The following MLLT3 variants were observed in gnomAD, a reference collection of about 807,000 sequenced individuals.
The protein encoded by MLLT3 is protein AF-9.
Under a neutral mutation model 53.2 loss-of-function variants are expected in MLLT3, and 4 were observed. The ratio of observed to expected loss-of-function variants is 0.08; its 90% CI spans 0.04 to 0.17. MLLT3 has a LOEUF of 0.17. Among genes scored for constraint, MLLT3 ranks in the 10% least tolerant of loss-of-function variants. The pLI, the probability that MLLT3 is intolerant of heterozygous loss-of-function variation, is 1.00. For synonymous variants in MLLT3, 283 were observed against 230.6 expected (o/e 1.23, Z -2.06); for missense variants, 569 against 684.0 (o/e 0.83, Z 1.87).
chr9:20,349,014 C>T (rs1345190058), intron 10 of MLLT3, among the ~76,000 whole-genome samples: 3 of 152,100 alleles, frequency 2.0e-5, no homozygotes, highest in Non-Finnish European at 2.9e-5. Flanking sequence ...AGGATGGAAA[C>T]AAGTAGTCTC....
chr9:20,412,490 G>C (rs1438900893), intron 5 of MLLT3, among the ~76,000 whole-genome samples: 1 of 129,016 alleles, frequency 7.8e-6, no homozygotes, highest in Non-Finnish European at 1.5e-5. Flanking sequence ...TGGACCACTG[G>C]GGATCAGTGT....
At chr9:20,596,902 TAA>T (rs1479541881) in intron 2 of MLLT3, among the ~76,000 whole-genome samples, 1 of 152,156 alleles carries the variant, frequency 6.6e-6, no homozygotes, top group Non-Finnish European at 1.5e-5. Context: ...ATCGTAATAT[TAA>T]GTCTCCCAAT....
intron 4 of MLLT3, among the ~76,000 whole-genome samples, chr9:20,438,650 G>A (rs1045946781): frequency 2.0e-5 from 3 of 151,866 alleles, no homozygotes; most frequent in African/African-American, 7.3e-5. Context: ...GCCCAGGTTG[G>A]TCTCAAACTC....
chr9:20,394,935 A>G (rs935322466), intron 5 of MLLT3, among the ~76,000 whole-genome samples: 15 of 152,196 alleles, frequency 9.9e-5, no homozygotes, highest in African/African-American at 3.4e-4. Flanking sequence ...AGGTGTGGGA[A>G]GAGGTTTCCG....
Position 20,622,377 on chromosome 9 carries a change from G to A in MLLT3, c.-121C>T. On this transcript the variant is annotated 5_prime_UTR_variant, in exon 1 of 11. Coordinates refer to ENST00000380338, the MANE Select transcript of MLLT3 (RefSeq NM_004529.4). The stretch of plus-strand genomic sequence containing the variant: ...AGAGCGCGCCCAGGAGCGGAGGGTA[G>A]ATGGCGGACATTCTCTGCCTTTTTC... The A allele has an allele frequency of 1.1e-6, 1 of 899,262 alleles. No homozygotes were observed. Among genetic ancestry groups the A allele is most frequent in the East Asian group, 3.0e-5 (1 of 32,858 alleles). 55.7% of individuals were successfully genotyped at this position (899,262 alleles called of 1,614,324 possible). A position where few individuals can be genotyped will look rare whatever the true frequency, so the allele number is the denominator to read the frequency against.
intron 5 of MLLT3, among the ~76,000 whole-genome samples, chr9:20,401,327 G>T (rs557271744): frequency 6.6e-6 from 1 of 152,112 alleles, no homozygotes; most frequent in African/African-American, 2.4e-5. Context: ...AAAATAGATG[G>T]AATATATATT....
chr9:20,603,507 A>C lies in MLLT3; in HGVS notation c.193+17147T>G, dbSNP rs117005678. Among the ~76,000 whole-genome samples, 1,034 of 152,230 alleles carry C rather than the reference A, an allele frequency of 6.8e-3. 11 individuals carry two copies. Among genetic ancestry groups the C allele is most frequent in the Non-Finnish European group, 9.6e-3 (650 of 67,964 alleles). The stretch of plus-strand genomic sequence containing the variant: ...TTCTCAATGTGAGTGATAAAAATGC[A>C]TTAAAAGTAACCCTTAATCTATGCT... On this transcript the variant is annotated intron_variant, in intron 2 of 10. Transcript: ENST00000380338.
intron 2 of MLLT3, among the ~76,000 whole-genome samples, chr9:20,600,633 A>C (rs1272735638): frequency 6.6e-6 from 1 of 152,150 alleles, no homozygotes; most frequent in Non-Finnish European, 1.5e-5. Flanking sequence ...CTTTTGGGAG[A>C]TTCCCATTTT....
intron 2 of MLLT3, among the ~76,000 whole-genome samples, chr9:20,493,647 T>C (rs952090104): frequency 6.6e-6 from 1 of 152,014 alleles, no homozygotes; most frequent in Non-Finnish European, 1.5e-5. Context: ...CTAAATGGCA[T>C]TCCTCTTATA....
At chr9:20,380,592 C>T (rs1821885855) in intron 5 of MLLT3, among the ~76,000 whole-genome samples, 1 of 152,012 alleles carries the variant, frequency 6.6e-6, no homozygotes, top group South Asian at 2.1e-4. Flanking sequence ...TTTAAAACTT[C>T]AACACATTTA....
At chr9:20,510,087 T>C (rs1389246799) in intron 2 of MLLT3, among the ~76,000 whole-genome samples, 2 of 152,258 alleles carry the variant, frequency 1.3e-5, no homozygotes, top group African/African-American at 4.8e-5. Flanking sequence ...ATATTAAATA[T>C]TTCTGCTTGG....
rs541255896 is a variant in MLLT3, at chr9:20,437,731, T to C, written c.420+10392A>G. On this transcript the variant is annotated intron_variant, in intron 4 of 10. Transcript: ENST00000380338. The stretch of plus-strand genomic sequence containing the variant: ...GAAGGTATTTTTATTAATGCTGATC[T>C]AGAATATTCCTGATTTAGAGCTCAC... Among the ~76,000 whole-genome samples, 8 of 152,378 alleles carry C rather than the reference T, an allele frequency of 5.3e-5. No homozygotes were observed. The East Asian group carries it at 7.7e-4, about 15-fold the overall frequency.
chr9:20,515,065 G>A (rs1371046449), intron 2 of MLLT3, among the ~76,000 whole-genome samples: 1 of 149,098 alleles, frequency 6.7e-6, no homozygotes, highest in Non-Finnish European at 1.5e-5. Flanking sequence ...TCCTGCCTCA[G>A]CCTCCCTAGT....
At chr9:20,348,974 C>T (rs1820944499) in intron 10 of MLLT3, among the ~76,000 whole-genome samples, 1 of 152,072 alleles carries the variant, frequency 6.6e-6, no homozygotes, top group Non-Finnish European at 1.5e-5. Context: ...TGCAAAAATA[C>T]TATGAATCTA....
chr9:20,400,345 C>T (rs536257060), intron 5 of MLLT3, among the ~76,000 whole-genome samples: 41 of 152,160 alleles, frequency 2.7e-4, no homozygotes, highest in African/African-American at 9.9e-4. Flanking sequence ...TTACAAATTG[C>T]AAGATGTGAA....
chr9:20,534,457 C>T (rs1166895926), intron 2 of MLLT3, among the ~76,000 whole-genome samples: 1 of 152,188 alleles, frequency 6.6e-6, no homozygotes, highest in Admixed American at 6.5e-5. Flanking sequence ...TGAATTCATG[C>T]AATCATGTGA....
intron 2 of MLLT3, among the ~76,000 whole-genome samples, chr9:20,490,684 T>C (rs1237208438): frequency 1.3e-5 from 2 of 152,236 alleles, no homozygotes; most frequent in Non-Finnish European, 2.9e-5. Flanking sequence ...AGTCTCGTTT[T>C]AAGCCACTAA....
chr9:20,378,194 A>C lies in MLLT3; in HGVS notation c.1126-12450T>G, dbSNP rs191604316. 2.3e-3 allele frequency among the ~76,000 whole-genome samples: 352 copies of C among 152,186 alleles called. 1 individual carries two copies. In the South Asian group the frequency reaches 0.026, roughly 11 times the overall value. ...AGTACAGCATAACTTATTCTTGTAC[A>C]TAATATGTTGGCTTACTATAATTTG... On this transcript the variant is annotated intron_variant, in intron 5 of 10. Transcript: ENST00000380338.
Position 20,344,503 on chromosome 9 carries a change from T to C in MLLT3, c.*1940A>G, listed in dbSNP as rs1406597318. The C allele has an allele frequency of 9.1e-6, 2 of 219,200 alleles. No homozygotes were observed. Among genetic ancestry groups the C allele is most frequent in the Non-Finnish European group, 1.8e-5 (2 of 109,156 alleles). The allele number at this position is 219,200 out of a possible 1,614,324, so 13.6% of individuals were successfully genotyped here. A position where few individuals can be genotyped will look rare whatever the true frequency, so the allele number is the denominator to read the frequency against. Reference sequence around the variant, plus strand: ...TTCATCAATCACCTAATGTCCAAAATGACTCAAAGTTTCTCTGCACATCAA... The same window carrying C: ...TTCATCAATCACCTAATGTCCAAAACGACTCAAAGTTTCTCTGCACATCAA... On this transcript the variant is annotated 3_prime_UTR_variant, in exon 11 of 11. Coordinates refer to ENST00000380338, the MANE Select transcript of MLLT3 (RefSeq NM_004529.4).
Sources: gnomAD v4.1 joint callset for allele counts (sites outside exome capture counted in the v4.1 genomes callset) on GRCh38, gnomAD v4.1.1 for gene constraint, MANE v1.5 for transcripts, NCBI Gene and HGNC (gene_info 2026-07-23, HGNC 2026-07-21) for gene names.